AOPEP: variants seen among roughly 807,000 people sequenced by gnomAD.
AOPEP encodes the protein aminopeptidase O.
A neutral mutation model predicts 98.1 loss-of-function variants in AOPEP; 77 were observed. The observed-to-expected ratio is 0.78, with a 90% CI of 0.65 to 0.95. The LOEUF is 0.95. Among genes scored for constraint, AOPEP ranks in the 40% least tolerant of loss-of-function variants. AOPEP has a pLI of 0.00. For missense variants in AOPEP, 1,024 were observed against 1,024.7 expected (o/e 1.00, Z 0.01); for synonymous variants, 346 against 365.3 (o/e 0.95, Z 0.60).
intron 13 of AOPEP, among the ~76,000 whole-genome samples, chr9:95,059,249 G>A (rs187557282): frequency 3.9e-5 from 6 of 152,308 alleles, no homozygotes; most frequent in African/African-American, 1.4e-4. Flanking sequence ...TGCTGAAGGC[G>A]CCTTGTTTCT....
At chr9:94,820,682 G>A (rs1466875384) in intron 5 of AOPEP, among the ~76,000 whole-genome samples, 1 of 152,210 alleles carries the variant, frequency 6.6e-6, no homozygotes, top group Non-Finnish European at 1.5e-5. Flanking sequence ...CATATTGTGG[G>A]AGGTAGGGAT....
At chr9:94,752,263 G>A (rs1011013968) in intron 1 of AOPEP, among the ~76,000 whole-genome samples, 27 of 151,928 alleles carry the variant, frequency 1.8e-4, no homozygotes, top group African/African-American at 6.5e-4. Flanking sequence ...TGGGCTTCTG[G>A]CCAATGTGAT....
intron 13 of AOPEP, among the ~76,000 whole-genome samples, chr9:95,030,941 A>G (rs1479930395): frequency 6.6e-6 from 1 of 152,240 alleles, no homozygotes; most frequent in Non-Finnish European, 1.5e-5. Flanking sequence ...TTAAAATGCA[A>G]ATAGTCCTCA....
chr9:94,960,430 G>A (rs2058741569), intron 9 of AOPEP, among the ~76,000 whole-genome samples: 1 of 151,078 alleles, frequency 6.6e-6, no homozygotes, highest in African/African-American at 2.4e-5. Flanking sequence ...AAAAAAAGAT[G>A]AGGAATTAAA....
intron 6 of AOPEP, among the ~76,000 whole-genome samples, chr9:94,925,046 CAG>C (rs2054099938): frequency 1.3e-5 from 2 of 152,216 alleles, no homozygotes; most frequent in East Asian, 3.8e-4. Flanking sequence ...GGCTGGAGTG[CAG>C]TGGCACGATC....
intron 5 of AOPEP, among the ~76,000 whole-genome samples, chr9:94,912,407 G>A (rs2052183399): frequency 6.6e-6 from 1 of 152,124 alleles, no homozygotes; most frequent in Non-Finnish European, 1.5e-5. Flanking sequence ...TGCTCAGAAT[G>A]TCCCCTGCCT....
At chr9:94,766,977 T>G (rs1036584820) in intron 2 of AOPEP, among the ~76,000 whole-genome samples, 9 of 152,164 alleles carry the variant, frequency 5.9e-5, no homozygotes, top group African/African-American at 2.2e-4. Context: ...AAACCAGATG[T>G]TAAAACATGT....
At chr9:95,078,575 T>G (rs2069345571) in intron 14 of AOPEP, among the ~76,000 whole-genome samples, 1 of 152,090 alleles carries the variant, frequency 6.6e-6, no homozygotes. Context: ...TTTGTGCAGT[T>G]AAGAAAATAG....
the AOPEP span, among the ~76,000 whole-genome samples, chr9:95,093,286 C>G: frequency 1.8e-4 from 27 of 152,156 alleles, no homozygotes; most frequent in Non-Finnish European, 4.4e-5. Context: ...GGTCATGGCC[C>G]AACAAATGTC....
chr9:95,075,385 A>G (rs1648262085), intron 14 of AOPEP, among the ~76,000 whole-genome samples: 3 of 152,240 alleles, frequency 2.0e-5, no homozygotes, highest in African/African-American at 4.8e-5. Context: ...ACTGTATGCA[A>G]TTAAGAAATA....
chr9:95,084,208 CAGTTTTGAACATTG>C (rs1374923276), intron 16 of AOPEP, among the ~76,000 whole-genome samples: 1 of 152,190 alleles, frequency 6.6e-6, no homozygotes, highest in Non-Finnish European at 1.5e-5. Flanking sequence ...ATTCTTCACT[CAGTTTTGAACATTG>C]AGTTTTCTTC....
chr9:95,095,435 C>T, the AOPEP span, among the ~76,000 whole-genome samples: 2 of 152,194 alleles, frequency 1.3e-5, no homozygotes, highest in Non-Finnish European at 2.9e-5. Context: ...CCGTGCGTTT[C>T]GAGCTGGCAG....
chr9:95,115,333 C>CT, the AOPEP span, among the ~76,000 whole-genome samples: 3 of 152,138 alleles, frequency 2.0e-5, no homozygotes, highest in Non-Finnish European at 2.9e-5. Context: ...TGCGGATGCC[C>CT]TAGGTTTCTT....
At chr9:95,029,108 G>C (rs1462005821) in intron 13 of AOPEP, among the ~76,000 whole-genome samples, 3 of 152,144 alleles carry the variant, frequency 2.0e-5, no homozygotes, top group Non-Finnish European at 4.4e-5. Context: ...GGGCTTGCCT[G>C]GGACTCCCTA....
chr9:95,134,623 A>G, the AOPEP span, among the ~76,000 whole-genome samples: 1 of 152,252 alleles, frequency 6.6e-6, no homozygotes, highest in Non-Finnish European at 1.5e-5. Context: ...AGGTTTCTGA[A>G]TCATTTTTTC....
At chr9:94,912,114 C>T (rs1564367974) in intron 5 of AOPEP, among the ~76,000 whole-genome samples, 1 of 152,130 alleles carries the variant, frequency 6.6e-6, no homozygotes, top group Non-Finnish European at 1.5e-5. Flanking sequence ...TTTAGGCCAC[C>T]GTACTTGTGG....
chr9:94,936,697 G>GCTC (rs2056326513), intron 7 of AOPEP, among the ~76,000 whole-genome samples: 2 of 152,150 alleles, frequency 1.3e-5, no homozygotes, highest in Admixed American at 1.3e-4. Context: ...ATCCCACAGG[G>GCTC]TGAGGGCTCA....
intron 5 of AOPEP, among the ~76,000 whole-genome samples, chr9:94,914,226 A>G (rs2052474023): frequency 6.6e-6 from 1 of 152,318 alleles, no homozygotes; most frequent in African/African-American, 2.4e-5. Context: ...AACCACACAC[A>G]TGATTATAAA....
Position 94,887,547 on chromosome 9 carries a change from G to C in AOPEP, c.1365-36439G>C, listed in dbSNP as rs993871682. On this transcript the variant is annotated intron_variant, in intron 5 of 16. Transcript: ENST00000375315. Reference sequence around the variant, plus strand: ...GCTTCTACTACTTACTTCTTAAGTTGGATTAAAGATGAAGTGAAATGACAT... The same window carrying C: ...GCTTCTACTACTTACTTCTTAAGTTCGATTAAAGATGAAGTGAAATGACAT... Among the ~76,000 whole-genome samples, 6 of 152,074 alleles carry C rather than the reference G, an allele frequency of 3.9e-5. No homozygotes were observed. The East Asian group carries it at 1.2e-3, about 29-fold the overall frequency.
Sources: allele counts gnomAD v4.1 joint callset (sites outside exome capture counted in the v4.1 genomes callset), GRCh38; gene constraint gnomAD v4.1.1; transcripts MANE v1.5; gene names NCBI Gene and HGNC (gene_info 2026-07-23, HGNC 2026-07-21).